The following ATAD2B variants were observed in gnomAD, a reference collection of about 807,000 sequenced individuals.
The protein encoded by ATAD2B is ATPase family AAA domain containing 2B, also known as ATPase family AAA domain-containing protein 2B.
ATAD2B carries 40 observed loss-of-function variants against 167.6 expected under a neutral mutation model. The observed-to-expected ratio is 0.24, with a 90% CI of 0.19 to 0.31. The LOEUF is 0.31. Ranked by LOEUF, ATAD2B falls within the 10% of genes least tolerant of loss-of-function variation. The probability of loss-of-function intolerance (pLI) is 1.00; values close to 1 mark genes in which losing one functional copy is unlikely to be tolerated. For synonymous variants in ATAD2B, 579 were observed against 596.5 expected (o/e 0.97, Z 0.43); for missense variants, 1,242 against 1,757.2 (o/e 0.71, Z 5.24).
chr2:23,828,809 C>G, intron 15 of ATAD2B, 40 bp downstream of exon 15: 1 of 1,312,956 alleles, frequency 7.6e-7, no homozygotes, highest in Non-Finnish European at 1.1e-6. Flanking sequence ...TTGAGCAGAA[C>G]AAACAATGAC....
chr2:23,717,094 G>A, the ATAD2B span, among the ~76,000 whole-genome samples: 132 of 152,186 alleles, frequency 8.7e-4, 1 homozygote, highest in African/African-American at 3.0e-3. Flanking sequence ...AAAGACCACT[G>A]GACAACATCG....
At chr2:23,894,640 G>A (rs1699957231) in intron 2 of ATAD2B, among the ~76,000 whole-genome samples, 1 of 152,064 alleles carries the variant, frequency 6.6e-6, no homozygotes, top group South Asian at 2.1e-4. Flanking sequence ...TATTTATCTA[G>A]AAGATATTTG....
chr2:23,867,592 A>C (rs968829720), intron 10 of ATAD2B, among the ~76,000 whole-genome samples: 2 of 152,228 alleles, frequency 1.3e-5, no homozygotes, highest in African/African-American at 4.8e-5. Flanking sequence ...TGGTTTATGA[A>C]GCCTTGCCCC....
At chr2:23,685,718 C>T in the ATAD2B span, among the ~76,000 whole-genome samples, 2 of 152,342 alleles carry the variant, frequency 1.3e-5, no homozygotes, top group East Asian at 3.9e-4. Flanking sequence ...TGCTTGGGCT[C>T]TCTCTGTCCA....
At chr2:23,873,051 T>C in intron 8 of ATAD2B, 1 of 587,910 alleles carries the variant, frequency 1.7e-6, no homozygotes, top group Non-Finnish European at 3.1e-6. Context: ...CAATTTTTGA[T>C]ACTTCCCAAC....
the ATAD2B span, among the ~76,000 whole-genome samples, chr2:23,736,872 A>G: frequency 1.3e-5 from 2 of 152,204 alleles, no homozygotes; most frequent in Non-Finnish European, 2.9e-5. Context: ...ACGGGCTTAA[A>G]AAAGGTCACA....
downstream of ATAD2B, among the ~76,000 whole-genome samples, chr2:23,748,119 C>CA (rs1264128465): frequency 6.6e-6 from 1 of 151,820 alleles, no homozygotes; most frequent in African/African-American, 2.4e-5. Context: ...TACTGTGATT[C>CA]AAAAAACAAA....
intron 19 of ATAD2B, among the ~76,000 whole-genome samples, chr2:23,797,308 T>A (rs964515241): frequency 6.6e-6 from 1 of 152,114 alleles, no homozygotes; most frequent in African/African-American, 2.4e-5. Flanking sequence ...AAACAATTTT[T>A]AAAAAATCAA....
intron 15 of ATAD2B, among the ~76,000 whole-genome samples, chr2:23,825,109 A>ATTTTT (rs70941593): frequency 1.4e-4 from 16 of 111,504 alleles, no homozygotes; most frequent in Non-Finnish European, 2.1e-4. Context: ...CATCAGGCTA[A>ATTTTT]TTTTTTTTTT....
chr2:23,805,977 A>G (rs1038632861), intron 18 of ATAD2B, among the ~76,000 whole-genome samples: 2 of 152,138 alleles, frequency 1.3e-5, no homozygotes, highest in Non-Finnish European at 2.9e-5. Context: ...CATATTTAGA[A>G]AACTTGTTCT....
intron 19 of ATAD2B, among the ~76,000 whole-genome samples, chr2:23,794,679 C>CAT (rs929533974): frequency 4.7e-4 from 72 of 151,876 alleles, no homozygotes; most frequent in African/African-American, 1.6e-3. Flanking sequence ...TATTATAAAC[C>CAT]ATATACACAT....
chr2:23,919,071 G>A (rs922762148), intron 1 of ATAD2B, among the ~76,000 whole-genome samples: 4 of 152,144 alleles, frequency 2.6e-5, no homozygotes, highest in African/African-American at 9.7e-5. Context: ...GGCTAGGCAT[G>A]GTGGTGCACA....
the ATAD2B span, among the ~76,000 whole-genome samples, chr2:23,699,156 G>A: frequency 1.3e-5 from 2 of 152,176 alleles, no homozygotes; most frequent in Non-Finnish European, 2.9e-5. Context: ...CATCACCCTC[G>A]CTCAGAGGCA....
chr2:23,869,991 T>C (rs1392224751), intron 8 of ATAD2B, among the ~76,000 whole-genome samples: 1 of 151,954 alleles, frequency 6.6e-6, no homozygotes, highest in African/African-American at 2.4e-5. Context: ...GGGTGGATCA[T>C]GAGGTCAGGA....
intron 23 of ATAD2B, among the ~76,000 whole-genome samples, chr2:23,764,458 C>T (rs575353083): frequency 5.3e-5 from 8 of 152,226 alleles, no homozygotes; most frequent in African/African-American, 1.2e-4. Context: ...TTTTTGAAAA[C>T]ACTGATCTAC....
chr2:23,874,492 C>T (rs1032923047), intron 8 of ATAD2B, among the ~76,000 whole-genome samples: 6 of 151,934 alleles, frequency 3.9e-5, no homozygotes, highest in African/African-American at 1.5e-4. Flanking sequence ...CACTTGAGCC[C>T]AGGAGTTCAA....
At chr2:23,745,422 A>AAGGGGAAGGGAAGGGAAGGGAAGGG (rs1491261605), downstream of ATAD2B, among the ~76,000 whole-genome samples, 1 of 85,012 alleles carries the variant, frequency 1.2e-5, no homozygotes, top group Non-Finnish European at 2.4e-5. Flanking sequence ...GGAAGGAAGG[A>AAGGGGAAGGGAAGGGAAGGGAAGGG]AAGGGAAGGG....
chr2:23,881,622 A>G (rs758891497), intron 6 of ATAD2B, among the ~76,000 whole-genome samples: 2 of 152,072 alleles, frequency 1.3e-5, no homozygotes, highest in African/African-American at 2.4e-5. Flanking sequence ...CGGCCTCCCA[A>G]TGTGCTGGGA....
chr2:23,761,141 C>CA (rs1185276728), intron 24 of ATAD2B, among the ~76,000 whole-genome samples: 1 of 152,092 alleles, frequency 6.6e-6, no homozygotes, highest in African/African-American at 2.4e-5. Flanking sequence ...TTACACAATC[C>CA]AAGTCATGAT....
Sources: gnomAD v4.1 joint callset for allele counts (sites outside exome capture counted in the v4.1 genomes callset) on GRCh38, gnomAD v4.1.1 for gene constraint, MANE v1.5 for transcripts, NCBI Gene and HGNC (gene_info 2026-07-23, HGNC 2026-07-21) for gene names.